MAGI2: variants seen among roughly 807,000 people sequenced by gnomAD.
MAGI2 encodes membrane associated guanylate kinase, WW and PDZ domain containing 2, also known as membrane-associated guanylate kinase, WW and PDZ domain-containing protein 2.
Under a neutral mutation model 133.3 loss-of-function variants are expected in MAGI2, and 35 were observed. That is an observed-to-expected ratio of 0.26 (90% confidence interval 0.20 to 0.35). The LOEUF is 0.35. Among genes scored for constraint, MAGI2 ranks in the 10% least tolerant of loss-of-function variants. The pLI is 1.00. For missense variants in MAGI2, 1,636 were observed against 1,863.4 expected (o/e 0.88, Z 2.25); for synonymous variants, 729 against 710.6 (o/e 1.03, Z -0.41).
chr7:78,847,525 T>G (rs1792733084), intron 2 of MAGI2, among the ~76,000 whole-genome samples: 1 of 152,118 alleles, frequency 6.6e-6, no homozygotes, highest in East Asian at 1.9e-4. Context: ...TAAGGCAAAG[T>G]ATGTGAACTG....
rs147087384 is a variant in MAGI2, at chr7:79,439,794, A to AAC, written c.301+13224_301+13225dup. Among the ~76,000 whole-genome samples, 426 of 151,548 alleles carry AAC rather than the reference A, an allele frequency of 2.8e-3. 2 individuals carry two copies. Among genetic ancestry groups the AAC allele is most frequent in the African/African-American group, 9.9e-3 (412 of 41,446 alleles). ...TTAAAGTTCAAGTCTCTTCCATCAT[A>AAC]ACACACACACACACAAACTCCTATC... On this transcript the variant is annotated intron_variant, in intron 1 of 21. Transcript: ENST00000354212.
chr7:78,526,350 A>AGT lies in MAGI2; in HGVS notation c.539-4707_539-4706dup, dbSNP rs1229577015. ...TTTTCCATCCAGTCCTTTAAAAATA[A>AGT]GTGTGTGTGTGTTTGTATTTTAAGG... On this transcript the variant is annotated intron_variant, in intron 3 of 21. Coordinates refer to ENST00000354212, the MANE Select transcript of MAGI2 (RefSeq NM_012301.4). 4.6e-5 allele frequency among the ~76,000 whole-genome samples: 7 copies of AGT among 152,316 alleles called. No individual in the cohort carries two copies. The East Asian group carries it at 9.6e-4, about 21-fold the overall frequency.
chr7:79,387,379 A>C (rs915440452), intron 1 of MAGI2, among the ~76,000 whole-genome samples: 2 of 152,054 alleles, frequency 1.3e-5, no homozygotes, highest in African/African-American at 4.8e-5. Context: ...TTCAACTTTT[A>C]ACCTCTTCTA....
chr7:79,325,662 A>C (rs528838010), intron 1 of MAGI2, among the ~76,000 whole-genome samples: 2 of 152,332 alleles, frequency 1.3e-5, no homozygotes, highest in East Asian at 3.9e-4. Context: ...CATTGTGAGA[A>C]AAAACATGAA....
At chr7:79,100,352 T>C (rs939377681) in intron 1 of MAGI2, among the ~76,000 whole-genome samples, 46 of 152,242 alleles carry the variant, frequency 3.0e-4, no homozygotes, top group Admixed American at 1.3e-3. Flanking sequence ...AACACTGATA[T>C]ATCTGTGATA....
At chr7:79,038,861 T>C (rs1811356767) in intron 1 of MAGI2, among the ~76,000 whole-genome samples, 1 of 152,186 alleles carries the variant, frequency 6.6e-6, no homozygotes, top group South Asian at 2.1e-4. Flanking sequence ...CATGTCATGG[T>C]ACTCCATGCT....
intron 1 of MAGI2, among the ~76,000 whole-genome samples, chr7:79,149,865 A>T (rs909605981): frequency 2.0e-5 from 3 of 152,212 alleles, no homozygotes; most frequent in Non-Finnish European, 4.4e-5. Context: ...CAAATTTTTT[A>T]AAAATGGCAT....
Position 78,506,671 on chromosome 7 carries a change from C to T in MAGI2, c.755-4884G>A, listed in dbSNP as rs576846422. Among the ~76,000 whole-genome samples the T allele has an allele frequency of 2.6e-5, 4 of 152,284 alleles. 1 individual carries two copies. The highest frequency in any genetic ancestry group is 1.3e-4 in the Admixed American group (2 of 15,300). On this transcript the variant is annotated intron_variant, in intron 4 of 21. Coordinates refer to ENST00000354212, the MANE Select transcript of MAGI2 (RefSeq NM_012301.4). ...TGGCCAAAGCTTCTGCACAGTCCAG[C>T]AAGACAAGGACATAAAATCTGTAGA...
chr7:78,874,896 AATT>A (rs1176712014), intron 2 of MAGI2, among the ~76,000 whole-genome samples: 2 of 152,174 alleles, frequency 1.3e-5, no homozygotes, highest in Non-Finnish European at 2.9e-5. Context: ...AAACATGTAT[AATT>A]ATTATGTGTC....
chr7:79,370,914 T>C (rs1843008161), intron 1 of MAGI2, among the ~76,000 whole-genome samples: 1 of 152,120 alleles, frequency 6.6e-6, no homozygotes, highest in Admixed American at 6.6e-5. Context: ...ACTTGGTTCA[T>C]GGGCATTTTT....
intron 2 of MAGI2, among the ~76,000 whole-genome samples, chr7:79,001,271 T>C (rs1806828327): frequency 6.6e-6 from 1 of 152,174 alleles, no homozygotes; most frequent in Non-Finnish European, 1.5e-5. Flanking sequence ...ATTTTTGTCT[T>C]TTACTTGGTA....
intron 9 of MAGI2, among the ~76,000 whole-genome samples, chr7:78,330,154 C>T (rs1459314127): frequency 3.9e-5 from 6 of 151,984 alleles, no homozygotes; most frequent in Non-Finnish European, 8.8e-5. Flanking sequence ...TGTGCCATGA[C>T]CTAAGTATTT....
chr7:78,960,021 A>T (rs912947043), intron 2 of MAGI2, among the ~76,000 whole-genome samples: 1 of 152,164 alleles, frequency 6.6e-6, no homozygotes, highest in Non-Finnish European at 1.5e-5. Flanking sequence ...TTTACTGATA[A>T]ATACAGGAAA....
chr7:78,022,634 C>G (rs1479507305), intron 21 of MAGI2, among the ~76,000 whole-genome samples: 2 of 152,212 alleles, frequency 1.3e-5, no homozygotes, highest in Non-Finnish European at 2.9e-5. Flanking sequence ...GGAACCAGAT[C>G]TTATCCTTAA....
chr7:78,546,198 A>G (rs1238926692), intron 3 of MAGI2, among the ~76,000 whole-genome samples: 1 of 152,202 alleles, frequency 6.6e-6, no homozygotes, highest in African/African-American at 2.4e-5. Context: ...TGCTATCTTG[A>G]ACATTTAATG....
At chr7:79,393,990 T>C (rs1334168117) in intron 1 of MAGI2, among the ~76,000 whole-genome samples, 1 of 151,554 alleles carries the variant, frequency 6.6e-6, no homozygotes, top group East Asian at 1.9e-4. Flanking sequence ...GCTTGAAGAG[T>C]TAATGATCAT....
intron 2 of MAGI2, among the ~76,000 whole-genome samples, chr7:78,941,429 A>G (rs911068474): frequency 2.6e-5 from 4 of 152,114 alleles, no homozygotes; most frequent in Admixed American, 6.6e-5. Flanking sequence ...GGCTCACTGC[A>G]ACCTCCCCCT....
chr7:78,109,415 G>A (rs1262107843), intron 20 of MAGI2, among the ~76,000 whole-genome samples: 3 of 147,468 alleles, frequency 2.0e-5, no homozygotes, highest in South Asian at 4.4e-4. Context: ...GGTGCATCAC[G>A]AGGTCAGAAG....
chr7:78,801,406 C>T (rs1788043722), intron 2 of MAGI2, among the ~76,000 whole-genome samples: 1 of 152,060 alleles, frequency 6.6e-6, no homozygotes, highest in African/African-American at 2.4e-5. Context: ...ATAACTGGGG[C>T]TTTGACATGT....
Sources: gnomAD v4.1 joint callset for allele counts (sites outside exome capture counted in the v4.1 genomes callset) on GRCh38, gnomAD v4.1.1 for gene constraint, MANE v1.5 for transcripts, NCBI Gene and HGNC (gene_info 2026-07-23, HGNC 2026-07-21) for gene names.